Variants in LRPPRC observed in about 807,000 individuals in gnomAD.
The protein encoded by LRPPRC is leucine-rich PPR motif-containing protein, mitochondrial.
LRPPRC carries 120 observed loss-of-function variants against 180.3 expected under a neutral mutation model. That is an observed-to-expected ratio of 0.67 (90% CI 0.57 to 0.77). The LOEUF (loss-of-function observed/expected upper bound fraction) is 0.77. Among genes scored for constraint, LRPPRC ranks in the 30% least tolerant of loss-of-function variants. The probability of loss-of-function intolerance (pLI) is 0.00; values close to 1 mark genes in which losing one functional copy is unlikely to be tolerated. For missense variants in LRPPRC, 2,012 were observed against 1,657.2 expected, an observed-to-expected ratio of 1.21 and a Z score of -3.72; for synonymous variants, 723 against 600.0, an observed-to-expected ratio of 1.21 and a Z score of -3.00.
chr2:43,934,315 A>AAT lies in LRPPRC; in HGVS notation c.2630-21_2630-20dup, dbSNP rs1431991336. Reference sequence around the variant, plus strand: ...TCCATTGCTAGGTAGGAGAGAAAAAAATATATATATTAGGAGAAAAAAAAA... The same window carrying AAT: ...TCCATTGCTAGGTAGGAGAGAAAAAAATATATATATATTAGGAGAAAAAAAAA... On this transcript the variant is annotated intron_variant, in intron 24 of 37. Transcript: ENST00000260665. 5.8e-6 allele frequency: 7 copies of AAT among 1,209,810 alleles called. No individual in the cohort carries two copies. The highest frequency in any genetic ancestry group is 4.7e-5 in the East Asian group (2 of 42,780). 74.9% of individuals were successfully genotyped at this position (1,209,810 alleles called of 1,614,324 possible).
At position 43,922,839 on chromosome 2, in the gene LRPPRC, C is replaced by T. The variant is rs72877150; in HGVS notation, c.2896+2228G>A. ...GAAGGCAAAATGCAGAAGGGGATAG[C>T]TTGCTTTTTCTTCAGAAAGGAAAGG... On this transcript the variant is annotated intron_variant, in intron 27 of 37. Coordinates refer to ENST00000260665, the MANE Select transcript of LRPPRC (RefSeq NM_133259.4). Among the ~76,000 whole-genome samples the T allele has an allele frequency of 5.0e-3, 754 of 152,256 alleles. 8 individuals are homozygous for T. Among genetic ancestry groups the T allele is most frequent in the African/African-American group, 0.016 (646 of 41,540 alleles).
At chr2:43,980,855 T>A (rs1437655316) in intron 2 of LRPPRC, among the ~76,000 whole-genome samples, 1 of 151,710 alleles carries the variant, frequency 6.6e-6, no homozygotes, top group Non-Finnish European at 1.5e-5. Flanking sequence ...GGATGAGGAG[T>A]TGGGTAATTT....
chr2:43,924,194 G>A (rs1183218053), intron 27 of LRPPRC, among the ~76,000 whole-genome samples: 2 of 152,102 alleles, frequency 1.3e-5, no homozygotes, highest in Non-Finnish European at 2.9e-5. Context: ...GAGAAAAGAA[G>A]AACAATAAAT....
rs545022910 is a variant in LRPPRC at position 43,981,057 on chromosome 2, G to C, written c.347-1109C>G. Among the ~76,000 whole-genome samples, 3 of 152,244 alleles carry C rather than the reference G, an allele frequency of 2.0e-5. No homozygotes were observed. In the South Asian group the frequency reaches 6.2e-4, roughly 32 times the overall value. ...GTCTGAAACCCACGAATAGGCTTTA[G>C]GAAGCTACAGAATCCTCTTAAACTG... On this transcript the variant is annotated intron_variant, in intron 2 of 37. Transcript: ENST00000260665.
Position 43,976,196 on chromosome 2 carries a change from G to C in LRPPRC, c.684C>G (p.Leu228=), listed in dbSNP as rs1674047059. 6 of 1,611,628 alleles carry C rather than the reference G, an allele frequency of 3.7e-6. No individual in the cohort carries two copies. In the South Asian group the frequency reaches 5.5e-5, roughly 15 times the overall value. ...CACTGAATACTGCCTCTGTAACTGG[G>C]AGATCCTTAGTTTTCATAAATCCAA... ...KILGFMKTKD[L]PVTEAVFSAL... Residue 228 remains leucine, a synonymous_variant, in exon 6 of 38, where the codon CTC becomes CTG. Transcript: ENST00000260665.
chr2:43,926,016 T>A, intron 25 of LRPPRC, 55 bp from the exon 26 acceptor site: 2 of 1,033,836 alleles, frequency 1.9e-6, no homozygotes, highest in Admixed American at 3.4e-5. Flanking sequence ...CTGAATATTA[T>A]TTTTTTCCTC....
chr2:43,953,924 C>T (rs115112065), intron 14 of LRPPRC, among the ~76,000 whole-genome samples: 2,385 of 152,286 alleles, frequency 0.016, 35 homozygotes, highest in Middle Eastern at 0.027. Flanking sequence ...AATCCCAGCA[C>T]TTTGGGAGGC....
chr2:43,963,773 T>A (rs900066411), intron 11 of LRPPRC, 67 bp from the exon 12 acceptor site: 28 of 867,504 alleles, frequency 3.2e-5, no homozygotes, highest in Non-Finnish European at 4.7e-5. Context: ...GATCGGTAAG[T>A]TCAGTTCAAT....
In LRPPRC at chr2:43,974,762, TAG is replaced by T. The variant is rs759710038; in HGVS notation, c.865-6_865-5del. 3.7e-6 allele frequency: 6 copies of T among 1,612,954 alleles called. No individual in the cohort carries two copies. The African/African-American group carries it at 4.0e-5, about 11-fold the overall frequency. On this transcript the variant is annotated splice_polypyrimidine_tract_variant and splice_region_variant and intron_variant, in intron 7 of 37. Transcript: ENST00000260665. ...ACTTCTCCACCTTCTCCAGAGTCTA[TAG>T]AGAGTTCCAGAAATTAGAAGACAAA...
chr2:43,993,630 G>A (rs1006779425), intron 1 of LRPPRC, among the ~76,000 whole-genome samples: 4 of 151,854 alleles, frequency 2.6e-5, no homozygotes. Context: ...AGTGCTCAGA[G>A]TCCAGGAAAA....
intron 22 of LRPPRC, among the ~76,000 whole-genome samples, chr2:43,945,070 C>G (rs113207165): frequency 7.6e-4 from 115 of 152,164 alleles, no homozygotes; most frequent in African/African-American, 2.6e-3. Flanking sequence ...TCTTCAAACT[C>G]AATCCAAACA....
At position 43,974,258 on chromosome 2, in the gene LRPPRC, T is replaced by C; in HGVS notation, c.1047A>G (p.Lys349=). 1.9e-6 allele frequency: 3 copies of C among 1,611,928 alleles called. No homozygotes were observed. The highest frequency in any genetic ancestry group is 1.7e-6 in the Non-Finnish European group (2 of 1,177,998). Residue 349 remains lysine (K), a synonymous_variant, in exon 9 of 38, where the codon AAA becomes AAG. Coordinates refer to ENST00000260665, the MANE Select transcript of LRPPRC (RefSeq NM_133259.4). The stretch of plus-strand genomic sequence containing the variant: ...AAATTTGCAACGCTACATCTTCCAA[T>C]TTTTCAGTGACTAAAAGTAAAATGA... ...MNLILLLVTE[K]LEDVALQILL...
rs1572574130 is a variant in LRPPRC, at chr2:43,979,970, A to G, written c.347-22T>C. 9 of 1,610,296 alleles carry G rather than the reference A, an allele frequency of 5.6e-6. No homozygotes were observed. In the East Asian group the frequency reaches 1.6e-4, roughly 28 times the overall value. ...CCACCTGTGGAAAAAAGGTTAATGG[A>G]TAACATTTAACATAGCAGCAATATC... On this transcript the variant is annotated intron_variant, in intron 2 of 37. Transcript: ENST00000260665.
chr2:43,950,007 C>T (rs1471072444), intron 15 of LRPPRC, among the ~76,000 whole-genome samples: 1 of 152,076 alleles, frequency 6.6e-6, no homozygotes, highest in Non-Finnish European at 1.5e-5. Flanking sequence ...AATATTATTC[C>T]TCATTATATT....
At chr2:43,927,496 C>T (rs950389348) in intron 25 of LRPPRC, among the ~76,000 whole-genome samples, 8 of 152,178 alleles carry the variant, frequency 5.3e-5, no homozygotes, top group East Asian at 1.9e-4. Context: ...AATATCTACA[C>T]TCAGGCACAA....
chr2:43,888,376 G>T lies in LRPPRC; in HGVS notation c.*224C>A. On this transcript the variant is annotated 3_prime_UTR_variant, in exon 38 of 38. Coordinates refer to ENST00000260665, the MANE Select transcript of LRPPRC (RefSeq NM_133259.4). The stretch of plus-strand genomic sequence containing the variant: ...TGAAAAAGTATGGCTTCACACAGCA[G>T]CAGCATTGAAGAAAACACTATCGAT... The T allele has an allele frequency of 2.2e-6, 1 of 460,296 alleles. No individual in the cohort carries two copies. The highest frequency in any genetic ancestry group is 4.0e-6 in the Non-Finnish European group (1 of 251,840). 28.5% of individuals were successfully genotyped at this position (460,296 alleles called of 1,614,324 possible).
intron 1 of LRPPRC, among the ~76,000 whole-genome samples, chr2:43,988,764 C>T (rs933900726): frequency 4.0e-5 from 6 of 151,894 alleles, no homozygotes; most frequent in African/African-American, 1.5e-4. Flanking sequence ...AGGATGGTCT[C>T]GATCTCCTGA....
rs1572879063 is a variant in LRPPRC at position 43,886,988 on chromosome 2, A to G, written c.*1612T>C. ...AACATGGTGAAACTCCGTCTTTACC[A>G]TACAAAAATTAGCTGAACATGGTGG... On this transcript the variant is annotated 3_prime_UTR_variant, in exon 38 of 38. Transcript: ENST00000260665. 1 of 151,984 alleles carries G rather than the reference A, an allele frequency of 6.6e-6. No homozygotes were observed. The highest frequency in any genetic ancestry group is 2.4e-5 in the African/African-American group (1 of 41,430). 9.4% of individuals were successfully genotyped at this position (151,984 alleles called of 1,614,324 possible).
intron 2 of LRPPRC, among the ~76,000 whole-genome samples, chr2:43,980,344 G>A (rs552702497): frequency 5.3e-5 from 8 of 152,024 alleles, no homozygotes; most frequent in African/African-American, 1.4e-4. Context: ...ACCTGAGGTC[G>A]GGAGTTTGAG....
Sources: gnomAD v4.1 joint callset for allele counts (sites outside exome capture counted in the v4.1 genomes callset) on GRCh38, gnomAD v4.1.1 for gene constraint, MANE v1.5 for transcripts, NCBI Gene and HGNC (gene_info 2026-07-23, HGNC 2026-07-21) for gene names.